The following SIPA1L1 variants were observed in gnomAD, a reference collection of about 807,000 sequenced individuals.
SIPA1L1 encodes signal-induced proliferation-associated 1-like protein 1.
In SIPA1L1, 26 loss-of-function variants were observed where a neutral mutation model predicts 162.7. The ratio of observed to expected loss-of-function variants is 0.16; its 90% CI spans 0.12 to 0.22. The LOEUF (loss-of-function observed/expected upper bound fraction) is 0.22, where lower values mean the gene tolerates loss of function less well. SIPA1L1 is among the 10% of genes least tolerant of loss of function. SIPA1L1 has a pLI of 1.00. For missense variants in SIPA1L1, 1,874 were observed against 2,241.0 expected, an observed-to-expected ratio of 0.84 and a Z score of 3.31; for synonymous variants, 829 against 837.4, an observed-to-expected ratio of 0.99 and a Z score of 0.17.
At chr14:71,337,317 G>A (rs1268396129) in intron 2 of SIPA1L1, among the ~76,000 whole-genome samples, 1 of 152,116 alleles carries the variant, frequency 6.6e-6, no homozygotes, top group Non-Finnish European at 1.5e-5. Flanking sequence ...AGGTGCGGTG[G>A]TTCACACTTG....
intron 4 of SIPA1L1, among the ~76,000 whole-genome samples, chr14:71,556,560 G>T (rs2056371321): frequency 6.6e-6 from 1 of 152,344 alleles, no homozygotes; most frequent in East Asian, 1.9e-4. Flanking sequence ...ATTTGCTGGA[G>T]CAGCTTACAG....
chr14:71,647,364 T>C (rs1333936403), intron 7 of SIPA1L1, among the ~76,000 whole-genome samples: 1 of 152,060 alleles, frequency 6.6e-6, no homozygotes, highest in African/African-American at 2.4e-5. Flanking sequence ...GGGGGATGTT[T>C]TCTTATCTTC....
At chr14:71,626,449 G>A (rs1237864634) in intron 7 of SIPA1L1, among the ~76,000 whole-genome samples, 3 of 152,260 alleles carry the variant, frequency 2.0e-5, no homozygotes, top group East Asian at 1.9e-4. Flanking sequence ...TAAAGCAGAC[G>A]ACATGCATAC....
chr14:71,732,466 C>G (rs1403552974), intron 20 of SIPA1L1, among the ~76,000 whole-genome samples: 1 of 152,106 alleles, frequency 6.6e-6, no homozygotes, highest in Non-Finnish European at 1.5e-5. Context: ...CCCTGGACCC[C>G]AGCAGCCCGC....
chr14:71,450,609 A>G (rs1480809298), intron 2 of SIPA1L1, among the ~76,000 whole-genome samples: 1 of 152,218 alleles, frequency 6.6e-6, no homozygotes, highest in African/African-American at 2.4e-5. Context: ...TATTTGAGAA[A>G]TTATCAGAGA....
At chr14:71,457,120 A>G (rs539554221) in intron 2 of SIPA1L1, among the ~76,000 whole-genome samples, 2 of 152,052 alleles carry the variant, frequency 1.3e-5, no homozygotes, top group Non-Finnish European at 1.5e-5. Context: ...TAATACTTCA[A>G]ACTGCCCTAG....
chr14:71,651,386 A>G (rs1476504048), intron 8 of SIPA1L1, among the ~76,000 whole-genome samples: 1 of 152,252 alleles, frequency 6.6e-6, no homozygotes, highest in Non-Finnish European at 1.5e-5. Context: ...TCATGAAAAC[A>G]GAAAAGCATT....
At chr14:71,404,534 G>A (rs1263333737) in intron 2 of SIPA1L1, among the ~76,000 whole-genome samples, 1 of 152,186 alleles carries the variant, frequency 6.6e-6, no homozygotes, top group South Asian at 2.1e-4. Flanking sequence ...GGGCTACAGA[G>A]CCCAAGGTTC....
chr14:71,730,153 C>A lies in SIPA1L1; in HGVS notation c.4713C>A (p.Ser1571Arg). 1 of 1,614,174 alleles carries A rather than the reference C, an allele frequency of 6.2e-7. No individual in the cohort carries two copies. Among genetic ancestry groups the A allele is most frequent in the Non-Finnish European group, 8.5e-7 (1 of 1,180,036 alleles). The change falls in exon 20 of 24, where the codon AGC (serine) becomes AGA (arginine). Residue 1571 changes from serine (S) to arginine (R), a missense_variant. Physicochemically the swap from Ser to Arg is moderately radical, Grantham distance 110. Around this residue, in one of 5 missense-constraint regions of SIPA1L1, gnomAD observed 936 missense variants for 1,051.9 expected, o/e 0.89. Coordinates refer to ENST00000381232, the MANE Select transcript of SIPA1L1 (RefSeq NM_001386936.1). ...TGTCGGACGAGAGCATTTACAATAG[C>A]CAGAGGGAGCACTTTTTCACCTCCA... ...RTLSDESIYN[S>R]QREHFFTSRA...
At chr14:71,328,831 A>G (rs1264311511) in intron 2 of SIPA1L1, among the ~76,000 whole-genome samples, 1 of 152,204 alleles carries the variant, frequency 6.6e-6, no homozygotes, top group Non-Finnish European at 1.5e-5. Flanking sequence ...TTAAGTATAT[A>G]GTTCAGTAGT....
chr14:71,724,410 T>G (rs1016271193), intron 18 of SIPA1L1, among the ~76,000 whole-genome samples: 2 of 152,270 alleles, frequency 1.3e-5, no homozygotes, highest in South Asian at 4.1e-4. Context: ...AATCTGTTGC[T>G]AATTTTGGCT....
At chr14:71,621,046 C>T (rs531060801) in intron 6 of SIPA1L1, among the ~76,000 whole-genome samples, 10 of 152,316 alleles carry the variant, frequency 6.6e-5, no homozygotes, top group African/African-American at 2.2e-4. Flanking sequence ...CCCATCTTCT[C>T]CCTCCTGCCC....
At chr14:71,363,351 A>G (rs1243509850) in intron 2 of SIPA1L1, among the ~76,000 whole-genome samples, 1 of 152,228 alleles carries the variant, frequency 6.6e-6, no homozygotes, top group Admixed American at 6.5e-5. Context: ...CTAGGAGGAA[A>G]GGGAACTATG....
intron 2 of SIPA1L1, among the ~76,000 whole-genome samples, chr14:71,482,344 G>A (rs774076329): frequency 6.6e-6 from 1 of 152,204 alleles, no homozygotes; most frequent in South Asian, 2.1e-4. Context: ...AAATGAAACA[G>A]TGAAGGATAT....
chr14:71,691,925 A>C (rs1046267639), intron 13 of SIPA1L1, among the ~76,000 whole-genome samples: 6 of 152,176 alleles, frequency 3.9e-5, no homozygotes, highest in African/African-American at 1.4e-4. Context: ...TTATTTGTCC[A>C]TTTCTTTAAA....
intron 2 of SIPA1L1, among the ~76,000 whole-genome samples, chr14:71,350,121 G>A (rs953078272): frequency 4.6e-5 from 7 of 152,008 alleles, no homozygotes; most frequent in Non-Finnish European, 8.8e-5. Context: ...ACTCCTATTC[G>A]TGATCACAGA....
chr14:71,650,610 G>A, intron 8 of SIPA1L1, 101 bp downstream of exon 8: 1 of 1,092,504 alleles, frequency 9.2e-7, no homozygotes, highest in Non-Finnish European at 1.3e-6. Flanking sequence ...ATTTATCGCA[G>A]AACACTGCTG....
chr14:71,671,097 C>G (rs746726646), intron 10 of SIPA1L1, 22 bp from the exon 11 acceptor site: 9 of 1,547,700 alleles, frequency 5.8e-6, no homozygotes, highest in Admixed American at 3.9e-5. Context: ...TGACGTGGCT[C>G]TCTTTGATCT....
At chr14:71,527,381 T>A (rs938542992) in intron 3 of SIPA1L1, among the ~76,000 whole-genome samples, 1 of 152,124 alleles carries the variant, frequency 6.6e-6, no homozygotes, top group East Asian at 1.9e-4. Context: ...TATTTTTTAA[T>A]TTTTTTGTAG....
Sources: gnomAD v4.1 joint callset for allele counts (sites outside exome capture counted in the v4.1 genomes callset) on GRCh38, gnomAD v4.1.1 for gene constraint, gnomAD v4.1.1 regional missense constraint, MANE v1.5 for transcripts, NCBI Gene and HGNC (gene_info 2026-07-23, HGNC 2026-07-21) for gene names.